Variants in VPS13D observed in about 807,000 individuals in gnomAD.
VPS13D encodes the protein intermembrane lipid transfer protein VPS13D.
VPS13D carries 187 observed loss-of-function variants against 461.9 expected under a neutral mutation model. The observed-to-expected ratio is 0.40, with a 90% CI of 0.36 to 0.46. VPS13D has a LOEUF of 0.46. Ranked by LOEUF, VPS13D falls within the 20% of genes least tolerant of loss-of-function variation. VPS13D has a pLI of 0.60. For synonymous variants in VPS13D, 1,951 were observed against 1,986.3 expected, an observed-to-expected ratio of 0.98 and a Z score of 0.47; for missense variants, 4,711 against 5,364.9, an observed-to-expected ratio of 0.88 and a Z score of 3.81.
intron 46 of VPS13D, among the ~76,000 whole-genome samples, chr1:12,352,745 C>T (rs918659245): frequency 5.3e-5 from 8 of 151,868 alleles, no homozygotes; most frequent in African/African-American, 1.4e-4. Flanking sequence ...TGGGGGATCA[C>T]CTGAAGTCAG....
At chr1:12,478,736 T>TC in intron 67 of VPS13D, 3 of 451,828 alleles carry the variant, frequency 6.6e-6, no homozygotes, top group Non-Finnish European at 1.3e-5. Flanking sequence ...TCTGCCTCCC[T>TC]CCCCCCGGCC....
At position 12,277,192 on chromosome 1, in the gene VPS13D, A is replaced by C; in HGVS notation, c.3604A>C (p.Lys1202Gln). The C allele has an allele frequency of 6.2e-7, 1 of 1,614,252 alleles. No individual in the cohort carries two copies. The highest frequency in any genetic ancestry group is 8.5e-7 in the Non-Finnish European group (1 of 1,180,044). The change falls in exon 19 of 70, where the codon AAA becomes CAA. Residue 1202 changes from lysine to glutamine, a missense_variant. Lys to Gln is a moderately conservative substitution (Grantham distance 53, BLOSUM62 1). Transcript: ENST00000620676. ...TGCAACTGCAAGTATAGGTGGCACCAAAGTTAATGTCTCAATGGGTAGCAC... is the reference window on the plus strand; with the variant it reads ...TGCAACTGCAAGTATAGGTGGCACCCAAGTTAATGTCTCAATGGGTAGCAC... ...KIATASIGGT[K>Q]VNVSMGSTFD...
chr1:12,260,690 C>T lies in VPS13D; in HGVS notation c.1111-3C>T. ...TTATTTGCTTTTGTTTTCACCCAAACAGGAGGAAATGTGTCGGATTGAAGA... is the reference window on the plus strand; with the variant it reads ...TTATTTGCTTTTGTTTTCACCCAAATAGGAGGAAATGTGTCGGATTGAAGA... On this transcript the variant is annotated splice_region_variant and splice_polypyrimidine_tract_variant and intron_variant, in intron 10 of 69. Transcript: ENST00000620676. 1 of 1,613,864 alleles carries T rather than the reference C, an allele frequency of 6.2e-7. No homozygotes were observed.
chr1:12,446,496 C>CT (rs543796800), intron 65 of VPS13D, among the ~76,000 whole-genome samples: 22 of 151,820 alleles, frequency 1.4e-4, no homozygotes, highest in Non-Finnish European at 3.1e-4. Flanking sequence ...TCAAAATCTT[C>CT]TTTTTTTACC....
intron 41 of VPS13D, 30 bp downstream of exon 41, chr1:12,341,915 C>A (rs1054951374): frequency 4.4e-6 from 7 of 1,605,704 alleles, no homozygotes; most frequent in Non-Finnish European, 6.0e-6. Context: ...TACCCCGAGT[C>A]ATCTCTGCCA....
intron 65 of VPS13D, among the ~76,000 whole-genome samples, chr1:12,450,697 A>G (rs542404236): frequency 1.2e-4 from 19 of 152,308 alleles, no homozygotes; most frequent in Non-Finnish European, 2.2e-4. Context: ...CAGCTAATGT[A>G]AGTGTTCCGG....
At position 12,256,483 on chromosome 1, in the gene VPS13D, A is replaced by G; in HGVS notation, c.820A>G (p.Ile274Val). Reference sequence around the variant, plus strand: ...TGATTGTGATATTCAGCTGGAGACCATTCCCTTGAAACTCTCTCAGGTATG... The same window carrying G: ...TGATTGTGATATTCAGCTGGAGACCGTTCCCTTGAAACTCTCTCAGGTATG... ...RIDCDIQLET[I>V]PLKLSQLQYR... The change falls in exon 8 of 70, where the codon ATT (isoleucine) becomes GTT (valine). Residue 274 changes from isoleucine to valine, a missense_variant. Ile to Val is a conservative substitution (Grantham distance 29). This residue lies in a region of VPS13D where 4,411 missense variants were observed against 4,937.8 expected (regional missense o/e 0.89). Transcript: ENST00000620676. The G allele has an allele frequency of 6.2e-7, 1 of 1,613,992 alleles. No homozygotes were observed. The highest frequency in any genetic ancestry group is 8.5e-7 in the Non-Finnish European group (1 of 1,179,968).
rs144323396 is a variant in VPS13D at position 12,415,715 on chromosome 1, C to G, written c.12165+494C>G. ...CTTCAATGAATAGATAGGTCAAGAT[C>G]GTATCAAATTTAATAGCTTTCAAAG... On this transcript the variant is annotated intron_variant, in intron 64 of 69. Coordinates refer to ENST00000620676, the MANE Select transcript of VPS13D (RefSeq NM_015378.4). Among the ~76,000 whole-genome samples the G allele has an allele frequency of 2.6e-5, 4 of 152,264 alleles. No individual in the cohort carries two copies. In the South Asian group the frequency reaches 8.3e-4, roughly 32 times the overall value.
At chr1:12,259,010 C>T (rs1641012646) in intron 10 of VPS13D, among the ~76,000 whole-genome samples, 1 of 151,868 alleles carries the variant, frequency 6.6e-6, no homozygotes, top group Non-Finnish European at 1.5e-5. Flanking sequence ...ATAAACCAGA[C>T]ATTTTGGATG....
chr1:12,483,643 AT>A (rs1645754433), intron 67 of VPS13D, among the ~76,000 whole-genome samples: 1 of 152,152 alleles, frequency 6.6e-6, no homozygotes, highest in African/African-American at 2.4e-5. Flanking sequence ...TAGAATCTGC[AT>A]CATGACTTTA....
intron 57 of VPS13D, among the ~76,000 whole-genome samples, chr1:12,381,438 C>T (rs1179040176): frequency 6.6e-6 from 1 of 152,156 alleles, no homozygotes; most frequent in Non-Finnish European, 1.5e-5. Flanking sequence ...ACTCGATTTA[C>T]TTGGGGCATG....
chr1:12,239,958 T>C (rs1029919748), intron 2 of VPS13D, among the ~76,000 whole-genome samples: 2 of 152,072 alleles, frequency 1.3e-5, no homozygotes, highest in Non-Finnish European at 2.9e-5. Context: ...CTCAGTACTT[T>C]GGGTGTTTTT....
At chr1:12,421,075 A>C (rs955908064) in intron 65 of VPS13D, among the ~76,000 whole-genome samples, 14 of 152,214 alleles carry the variant, frequency 9.2e-5, no homozygotes, top group African/African-American at 3.4e-4. Context: ...CTTCAAGGAA[A>C]TATAAGTAGG....
At chr1:12,371,800 C>T (rs76162330) in intron 54 of VPS13D, among the ~76,000 whole-genome samples, 4,699 of 152,110 alleles carry the variant, frequency 0.031, 154 homozygotes, top group Admixed American at 0.11. Context: ...GTTGTTTCTG[C>T]GTTTTGGCTA....
At chr1:12,435,430 C>T (rs1645047157) in intron 65 of VPS13D, among the ~76,000 whole-genome samples, 1 of 152,154 alleles carries the variant, frequency 6.6e-6, no homozygotes, top group African/African-American at 2.4e-5. Context: ...CATCACATTC[C>T]AGCCTGGGTG....
rs1243055895 is a variant in VPS13D, at chr1:12,261,970, T to A, written c.1484T>A (p.Val495Asp). Reference protein sequence around the residue: ...CMNTYTKRDHVFAKLNLQLQR... With the variant: ...CMNTYTKRDHDFAKLNLQLQR... ...AACACGTATACAAAGCGAGATCATG[T>A]CTTTGCCAAACTGAATTTGCAGTTG... Residue 495 changes from valine (V) to aspartate (D), a missense_variant, in exon 13 of 70, where the codon GTC becomes GAC. This residue lies in a region of VPS13D where 4,411 missense variants were observed against 4,937.8 expected (regional missense o/e 0.89). Transcript: ENST00000620676. 4.3e-6 allele frequency: 7 copies of A among 1,614,222 alleles called. No individual in the cohort carries two copies. The highest frequency in any genetic ancestry group is 5.1e-6 in the Non-Finnish European group (6 of 1,180,030).
intron 5 of VPS13D, among the ~76,000 whole-genome samples, chr1:12,248,917 A>C (rs550253352): frequency 6.6e-6 from 1 of 152,334 alleles, no homozygotes; most frequent in South Asian, 2.1e-4. Flanking sequence ...TGGTAAAACT[A>C]ATCACAAAGT....
intron 58 of VPS13D, among the ~76,000 whole-genome samples, chr1:12,384,848 T>C (rs1002718738): frequency 6.6e-5 from 10 of 152,206 alleles, no homozygotes; most frequent in African/African-American, 2.4e-4. Flanking sequence ...CTTGAACTTC[T>C]GGGATCAAGC....
chr1:12,490,951 A>G (rs970235934), intron 67 of VPS13D, among the ~76,000 whole-genome samples: 18 of 152,330 alleles, frequency 1.2e-4, no homozygotes, highest in Non-Finnish European at 2.5e-4. Context: ...CGTCTACTCT[A>G]CTGCAGACAG....
Sources: gnomAD v4.1 joint callset for allele counts (sites outside exome capture counted in the v4.1 genomes callset) on GRCh38, gnomAD v4.1.1 for gene constraint, gnomAD v4.1.1 regional missense constraint, MANE v1.5 for transcripts, NCBI Gene and HGNC (gene_info 2026-07-23, HGNC 2026-07-21) for gene names.